The following DACH2 variants were observed in gnomAD, a reference collection of about 807,000 sequenced individuals.
DACH2 encodes the protein dachshund homolog 2.
Under a neutral mutation model 35.8 loss-of-function variants are expected in DACH2, and 17 were observed. The ratio of observed to expected loss-of-function variants is 0.48; its 90% CI spans 0.33 to 0.71. The LOEUF (loss-of-function observed/expected upper bound fraction) is 0.71. Ranked by LOEUF, DACH2 falls within the 30% of genes least tolerant of loss-of-function variation. DACH2 has a pLI of 0.02. For missense variants in DACH2, 469 were observed against 472.7 expected, an observed-to-expected ratio of 0.99 and a Z score of 0.07; for synonymous variants, 195 against 177.3, an observed-to-expected ratio of 1.10 and a Z score of -0.79.
chrX:86,365,089 C>A (rs1225841926), intron 1 of DACH2, among the ~76,000 whole-genome samples: 1 of 111,579 alleles, frequency 9.0e-6, no homozygotes, highest in African/African-American at 3.3e-5. Flanking sequence ...TTCATAGGTA[C>A]TTGTTTAATT....
At chrX:86,240,758 A>T (rs905175281) in intron 1 of DACH2, among the ~76,000 whole-genome samples, 36 of 110,627 alleles carry the variant, frequency 3.3e-4, no homozygotes, top group Non-Finnish European at 6.0e-4. Flanking sequence ...AGGTGATTGG[A>T]TCATGGGGGT....
At chrX:86,624,006 C>G (rs934004386) in intron 3 of DACH2, among the ~76,000 whole-genome samples, 1 of 84,592 alleles carries the variant, frequency 1.2e-5, no homozygotes, top group Non-Finnish European at 2.3e-5. Flanking sequence ...CGAGATCGCG[C>G]CACTGCACTC....
intron 1 of DACH2, among the ~76,000 whole-genome samples, chrX:86,222,716 A>G (rs933607766): frequency 2.7e-5 from 3 of 111,036 alleles, no homozygotes; most frequent in Non-Finnish European, 5.7e-5. Context: ...AGGAAACTTA[A>G]TGAAGAAAAT....
At chrX:86,676,125 A>G (rs1408484900) in intron 4 of DACH2, among the ~76,000 whole-genome samples, 1 of 111,939 alleles carries the variant, frequency 8.9e-6, no homozygotes, top group Non-Finnish European at 1.9e-5. Flanking sequence ...ACCTTAAATA[A>G]GTAATAACCT....
intron 2 of DACH2, among the ~76,000 whole-genome samples, chrX:86,398,630 C>T (rs1004914631): frequency 8.9e-6 from 1 of 111,740 alleles, no homozygotes; most frequent in East Asian, 2.8e-4. Flanking sequence ...TTTATTTCTG[C>T]CTTCATTTCG....
intron 2 of DACH2, among the ~76,000 whole-genome samples, chrX:86,392,137 T>A (rs1031204302): frequency 4.5e-5 from 5 of 111,506 alleles, no homozygotes; most frequent in Non-Finnish European, 7.5e-5. Context: ...TATATTTGTT[T>A]TCCTATCTAC....
intron 3 of DACH2, among the ~76,000 whole-genome samples, chrX:86,543,024 G>A (rs1482828506): frequency 8.9e-6 from 1 of 112,303 alleles, no homozygotes; most frequent in Non-Finnish European, 1.9e-5. Flanking sequence ...AGATCTGAAA[G>A]CCTAGAAGAA....
At chrX:86,323,748 C>T (rs1205760113) in intron 1 of DACH2, among the ~76,000 whole-genome samples, 1 of 111,063 alleles carries the variant, frequency 9.0e-6, no homozygotes, top group Non-Finnish European at 1.9e-5. Flanking sequence ...CGGCAAAGTT[C>T]TCCATTAAAG....
At chrX:86,309,368 T>C (rs1332728016) in intron 1 of DACH2, among the ~76,000 whole-genome samples, 4 of 112,373 alleles carry the variant, frequency 3.6e-5, no homozygotes, top group Admixed American at 1.9e-4. Context: ...CACAAATGCC[T>C]TTTTCTCCAT....
rs748118437 is a variant in DACH2 at position 86,404,930 on chromosome X, A to AT, written c.527+28069dup. ...TCTGCACATCCATAGGCTCAACACC[A>AT]TGTGGAAGCCACCAAGGCTTGGGGC... On this transcript the variant is annotated intron_variant, in intron 2 of 11. Transcript: ENST00000373125. Among the ~76,000 whole-genome samples, 3 of 112,390 alleles carry AT rather than the reference A, an allele frequency of 2.7e-5. No homozygotes were observed. In the South Asian group the frequency reaches 1.1e-3, roughly 42 times the overall value.
chrX:86,820,531 CA>C (rs1477523397), intron 11 of DACH2, among the ~76,000 whole-genome samples: 1 of 108,498 alleles, frequency 9.2e-6, no homozygotes, highest in Non-Finnish European at 1.9e-5. Flanking sequence ...ACTGGCCATT[CA>C]AAGATATAAA....
intron 2 of DACH2, among the ~76,000 whole-genome samples, chrX:86,388,300 A>C (rs773968157): frequency 8.9e-6 from 1 of 112,137 alleles, no homozygotes; most frequent in African/African-American, 3.2e-5. Flanking sequence ...TTGTGCTATC[A>C]GGAGTTATGG....
At chrX:86,382,625 C>T (rs183918567) in intron 2 of DACH2, among the ~76,000 whole-genome samples, 51 of 110,752 alleles carry the variant, frequency 4.6e-4, no homozygotes, top group Middle Eastern at 9.3e-3. Context: ...GGTGGCAGTT[C>T]TGGCAAACAA....
chrX:86,820,673 T>A (rs2042502712), intron 11 of DACH2, among the ~76,000 whole-genome samples: 1 of 111,151 alleles, frequency 9.0e-6, no homozygotes. Flanking sequence ...AAATTTACAA[T>A]TTAGGGCATA....
At chrX:86,711,510 T>A (rs2148458031) in intron 5 of DACH2, among the ~76,000 whole-genome samples, 1 of 112,792 alleles carries the variant, frequency 8.9e-6, no homozygotes, top group South Asian at 3.6e-4. Context: ...TTAAAAAAGA[T>A]TTGTCTTTAT....
At chrX:86,196,784 G>A (rs1241758599) in intron 1 of DACH2, among the ~76,000 whole-genome samples, 3 of 106,941 alleles carry the variant, frequency 2.8e-5, no homozygotes, top group African/African-American at 3.4e-5. Flanking sequence ...TCTATGACTC[G>A]TTGGTGTCCC....
At chrX:86,468,739 CAACA>C (rs1489944507) in intron 2 of DACH2, among the ~76,000 whole-genome samples, 2 of 111,586 alleles carry the variant, frequency 1.8e-5, no homozygotes. Flanking sequence ...ATTCAAAGTT[CAACA>C]AAGCCTATTG....
chrX:86,650,065 G>A (rs186653542), intron 3 of DACH2, among the ~76,000 whole-genome samples: 151 of 110,642 alleles, frequency 1.4e-3, no homozygotes, highest in Middle Eastern at 9.3e-3. Context: ...AGTATGGATT[G>A]TTCTGGTACT....
At chrX:86,673,073 C>T (rs767867350) in intron 4 of DACH2, among the ~76,000 whole-genome samples, 43 of 111,354 alleles carry the variant, frequency 3.9e-4, no homozygotes, top group Non-Finnish European at 5.8e-4. Context: ...TGGTGGCTTA[C>T]GCCTGTAATC....
Sources: gnomAD v4.1 joint callset for allele counts (sites outside exome capture counted in the v4.1 genomes callset) on GRCh38, gnomAD v4.1.1 for gene constraint, MANE v1.5 for transcripts, NCBI Gene and HGNC (gene_info 2026-07-23, HGNC 2026-07-21) for gene names.